Variants in ANKRD27 observed in about 807,000 individuals in gnomAD.
ANKRD27 encodes ankyrin repeat domain-containing protein 27.
Under a neutral mutation model 129.7 loss-of-function variants are expected in ANKRD27, and 112 were observed. That is an observed-to-expected ratio of 0.86 (90% CI 0.74 to 1.01). The LOEUF (loss-of-function observed/expected upper bound fraction) is 1.01. ANKRD27 is among the 50% of genes least tolerant of loss of function. The pLI, the probability that ANKRD27 is intolerant of heterozygous loss-of-function variation, is 0.00. For missense variants in ANKRD27, 1,258 were observed against 1,300.5 expected (o/e 0.97, Z 0.50); for synonymous variants, 516 against 511.2 (o/e 1.01, Z -0.13).
intron 1 of ANKRD27, among the ~76,000 whole-genome samples, chr19:32,674,365 G>A (rs914928613): frequency 5.3e-5 from 8 of 152,116 alleles, no homozygotes; most frequent in Non-Finnish European, 8.8e-5. Context: ...CCTCAGCGAA[G>A]ACCCGTCCCT....
At position 32,640,355 on chromosome 19, in the gene ANKRD27, A is replaced by G. The variant is rs929152715; in HGVS notation, c.935T>C (p.Leu312Pro). ...AAGCAAGTATAACAGGACTGATAGC[A>G]GATCATCAGCACACATGGTCTCCAG... ...VNLETMCADD[L>P]LSVLLYLLVK... The change falls in exon 11 of 29, where the codon CTG (leucine) becomes CCG (proline). Residue 312 changes from leucine to proline, a missense_variant. By Grantham distance (98) the Leu-to-Pro change is moderately conservative. Transcript: ENST00000306065. 9.9e-6 allele frequency: 16 copies of G among 1,613,922 alleles called. No individual in the cohort carries two copies. In the African/African-American group the frequency reaches 1.9e-4, roughly 19 times the overall value.
At chr19:32,603,476 C>T (rs934887143) in intron 25 of ANKRD27, among the ~76,000 whole-genome samples, 27 of 152,330 alleles carry the variant, frequency 1.8e-4, no homozygotes, top group African/African-American at 6.3e-4. Context: ...CCGCTCTCCA[C>T]GCAAGCATCC....
intron 2 of ANKRD27, among the ~76,000 whole-genome samples, chr19:32,653,330 T>A (rs1246026918): frequency 2.0e-5 from 3 of 152,142 alleles, no homozygotes; most frequent in Admixed American, 6.6e-5. Flanking sequence ...ACTTACCCCA[T>A]TAAATCAGAC....
At chr19:32,643,684 G>T (rs965981261) in intron 5 of ANKRD27, 53 bp from the exon 6 acceptor site, 2 of 1,587,760 alleles carry the variant, frequency 1.3e-6, no homozygotes, top group South Asian at 1.1e-5. Context: ...AGGCCATGAC[G>T]GGGGAGCCGG....
chr19:32,674,484 C>T (rs533606080), intron 1 of ANKRD27, among the ~76,000 whole-genome samples: 1 of 152,262 alleles, frequency 6.6e-6, no homozygotes, highest in South Asian at 2.1e-4. Context: ...CATTTTCAAC[C>T]ACAAGACGGA....
In ANKRD27 at chr19:32,599,965, T is replaced by C. The variant is rs1599729573; in HGVS notation, c.2846+7A>G. 3 of 1,608,248 alleles carry C rather than the reference T, an allele frequency of 1.9e-6. No individual in the cohort carries two copies. Among genetic ancestry groups the C allele is most frequent in the Non-Finnish European group, 2.6e-6 (3 of 1,175,654 alleles). The stretch of plus-strand genomic sequence containing the variant: ...AGCACAGAAATCAACTTGAGTTTCA[T>C]ACTCACTTAAACTGACCAGCTGAGT... On this transcript the variant is annotated splice_region_variant and intron_variant, in intron 27 of 28. Coordinates refer to ENST00000306065, the MANE Select transcript of ANKRD27 (RefSeq NM_032139.3).
chr19:32,666,667 CAG>C (rs1200513321), intron 1 of ANKRD27, among the ~76,000 whole-genome samples: 3 of 117,708 alleles, frequency 2.5e-5, no homozygotes, highest in Non-Finnish European at 4.9e-5. Flanking sequence ...TTTTTTGAGA[CAG>C]AGTCTCACTC....
Position 32,604,415 on chromosome 19 carries a change from A to G in ANKRD27, c.2503T>C (p.Ser835Pro). The change falls in exon 25 of 29, where the codon TCC becomes CCC. Residue 835 changes from serine (S) to proline (P), a missense_variant. Coordinates refer to ENST00000306065, the MANE Select transcript of ANKRD27 (RefSeq NM_032139.3). Reference sequence around the variant, plus strand: ...CCCTTATTGTTAGAAGCGTTAATGGAGGCCCCGTGCTGGAAAGAGAAACCA... The same window carrying G: ...CCCTTATTGTTAGAAGCGTTAATGGGGGCCCCGTGCTGGAAAGAGAAACCA... ...LVALLLQHGASINASNNKGNT... is the reference protein window; with the variant it reads ...LVALLLQHGAPINASNNKGNT... 1 of 1,604,428 alleles carries G rather than the reference A, an allele frequency of 6.2e-7. No individual in the cohort carries two copies. Among genetic ancestry groups the G allele is most frequent in the African/African-American group, 1.3e-5 (1 of 74,900 alleles).
Position 32,607,821 on chromosome 19 carries a change from C to T in ANKRD27, c.2187G>A (p.Lys729=), listed in dbSNP as rs759366842. ...TCACACCAAGCCCACTGGCAGGAAC[C>T]TTCGCCAGCCTCTGGGAAGCGCAGA... is the stretch of plus-strand genomic sequence containing the variant. ...KCAPAQKRLA[K]VPASGLGVNV... The change falls in exon 23 of 29, where the codon AAG becomes AAA. Residue 729 remains lysine, a synonymous_variant. Coordinates refer to ENST00000306065, the MANE Select transcript of ANKRD27 (RefSeq NM_032139.3). The T allele has an allele frequency of 6.3e-7, 1 of 1,597,550 alleles. No homozygotes were observed. The highest frequency in any genetic ancestry group is 1.3e-5 in the African/African-American group (1 of 74,560).
chr19:32,629,765 G>A, intron 13 of ANKRD27, among the ~76,000 whole-genome samples: 1 of 150,762 alleles, frequency 6.6e-6, no homozygotes. Context: ...GGAATGGCGG[G>A]CAGACAACAC....
chr19:32,610,053 G>A (rs941960885), intron 22 of ANKRD27, among the ~76,000 whole-genome samples: 3 of 152,086 alleles, frequency 2.0e-5, no homozygotes, highest in Non-Finnish European at 2.9e-5. Context: ...GCTTACGCCT[G>A]TAATGCCAGC....
At chr19:32,658,502 G>A (rs1311609612) in intron 2 of ANKRD27, among the ~76,000 whole-genome samples, 2 of 152,164 alleles carry the variant, frequency 1.3e-5, no homozygotes. Context: ...TGTTTACTCG[G>A]TCCCTTATTC....
chr19:32,626,844 C>T lies in ANKRD27; in HGVS notation c.1421-17G>A, dbSNP rs763834056. 27 of 1,582,738 alleles carry T rather than the reference C, an allele frequency of 1.7e-5. No homozygotes were observed. Among genetic ancestry groups the T allele is most frequent in the South Asian group, 1.4e-4 (12 of 88,128 alleles). Reference sequence around the variant, plus strand: ...ATGCCTGCCCTGCAGAGCAGAAGGACGTCACGATGGAGAAGGAAGGCGCAG... The same window carrying T: ...ATGCCTGCCCTGCAGAGCAGAAGGATGTCACGATGGAGAAGGAAGGCGCAG... On this transcript the variant is annotated splice_polypyrimidine_tract_variant and intron_variant, in intron 15 of 28. Transcript: ENST00000306065.
chr19:32,619,472 C>T, intron 19 of ANKRD27, 22 bp downstream of exon 19: 2 of 1,614,084 alleles, frequency 1.2e-6, no homozygotes, highest in Non-Finnish European at 1.7e-6. Context: ...GTAACCTGAC[C>T]TGCTCAGCCC....
intron 22 of ANKRD27, among the ~76,000 whole-genome samples, chr19:32,611,143 TAAGA>T (rs1960165040): frequency 6.6e-6 from 1 of 152,154 alleles, no homozygotes; most frequent in African/African-American, 2.4e-5. Context: ...ACAGGGAACC[TAAGA>T]CTTCACCCAA....
At position 32,598,384 on chromosome 19, in the gene ANKRD27, G is replaced by T; in HGVS notation, c.2920-6C>A. On this transcript the variant is annotated splice_region_variant and splice_polypyrimidine_tract_variant and intron_variant, in intron 28 of 28. Transcript: ENST00000306065. ...GTGACACTTTGCCTCCCTGGCTAAA[G>T]AAAAAGTACATTTTTAACCGTTGAC... 1 of 1,613,888 alleles carries T rather than the reference G, an allele frequency of 6.2e-7. No individual in the cohort carries two copies. The highest frequency in any genetic ancestry group is 8.5e-7 in the Non-Finnish European group (1 of 1,179,794).
Position 32,604,338 on chromosome 19 carries a change from C to T in ANKRD27, c.2580G>A (p.Glu860=). Residue 860 remains glutamate, a synonymous_variant, in exon 25 of 29, where the codon GAG becomes GAA. Coordinates refer to ENST00000306065, the MANE Select transcript of ANKRD27 (RefSeq NM_032139.3). The stretch of plus-strand genomic sequence containing the variant: ...CTGACGCTCCGTGGAGCAGAAGCAG[C>T]TCTACCACGAAGACGTGCTTTTCAA... The part of the protein sequence containing the change: ...AVIEKHVFVV[E]LLLLHGASVQ... The T allele has an allele frequency of 6.2e-7, 1 of 1,614,058 alleles. No individual in the cohort carries two copies. Among genetic ancestry groups the T allele is most frequent in the South Asian group, 1.1e-5 (1 of 91,082 alleles).
At chr19:32,606,424 G>C (rs1342246424) in intron 23 of ANKRD27, among the ~76,000 whole-genome samples, 1 of 152,098 alleles carries the variant, frequency 6.6e-6, no homozygotes, top group Non-Finnish European at 1.5e-5. Context: ...AAAATGCTGG[G>C]ATTACAGGCA....
intron 13 of ANKRD27, among the ~76,000 whole-genome samples, chr19:32,630,907 C>T (rs193029449): frequency 7.3e-5 from 11 of 150,554 alleles, no homozygotes; most frequent in African/African-American, 2.2e-4. Flanking sequence ...GCTGGGATTA[C>T]AGAAGTAAGC....
Sources: gnomAD v4.1 joint callset for allele counts (sites outside exome capture counted in the v4.1 genomes callset) on GRCh38, gnomAD v4.1.1 for gene constraint, MANE v1.5 for transcripts, NCBI Gene and HGNC (gene_info 2026-07-23, HGNC 2026-07-21) for gene names.